ROBO2: variants seen among roughly 807,000 people sequenced by gnomAD.
ROBO2 encodes roundabout homolog 2.
ROBO2 carries 53 observed loss-of-function variants against 160.8 expected under a neutral mutation model. The observed-to-expected ratio is 0.33, with a 90% CI of 0.26 to 0.41. The LOEUF is 0.41. Among genes scored for constraint, ROBO2 ranks in the 10% least tolerant of loss-of-function variants. The pLI, the probability that ROBO2 is intolerant of heterozygous loss-of-function variation, is 1.00. For synonymous variants in ROBO2, 664 were observed against 611.7 expected, an observed-to-expected ratio of 1.09 and a Z score of -1.26; for missense variants, 1,577 against 1,722.4, an observed-to-expected ratio of 0.92 and a Z score of 1.49.
chr3:77,050,028 A>C (rs1297003660), intron 1 of ROBO2, among the ~76,000 whole-genome samples: 1 of 152,226 alleles, frequency 6.6e-6, no homozygotes, highest in African/African-American at 2.4e-5. Flanking sequence ...TAGAAGTTTT[A>C]TAATACGTAT....
chr3:76,830,830 G>T (rs1008443801), intron 2 of ROBO2, among the ~76,000 whole-genome samples: 3 of 91,154 alleles, frequency 3.3e-5, no homozygotes, highest in Non-Finnish European at 5.0e-5. Context: ...AAAAAAAAAA[G>T]TTCTTTTAAT....
intron 2 of ROBO2, among the ~76,000 whole-genome samples, chr3:77,253,912 A>G (rs1308071805): frequency 1.3e-5 from 2 of 152,242 alleles, no homozygotes; most frequent in East Asian, 1.9e-4. Context: ...GTTCAAAATA[A>G]TAAAGAAAAA....
intron 2 of ROBO2, among the ~76,000 whole-genome samples, chr3:76,041,986 G>A (rs1381676245): frequency 7.7e-6 from 1 of 130,134 alleles, no homozygotes. Flanking sequence ...CAGAGAGTGA[G>A]AGAGAGAGGG....
intron 2 of ROBO2, among the ~76,000 whole-genome samples, chr3:76,061,844 G>C (rs778209293): frequency 1.3e-5 from 2 of 151,994 alleles, no homozygotes; most frequent in Non-Finnish European, 2.9e-5. Flanking sequence ...GGCTCTAGAC[G>C]GTCCATTTCC....
At chr3:76,127,061 A>G (rs1181243278) in intron 2 of ROBO2, among the ~76,000 whole-genome samples, 2 of 152,162 alleles carry the variant, frequency 1.3e-5, no homozygotes, top group African/African-American at 4.8e-5. Flanking sequence ...AAATACTATT[A>G]GCTATCATGA....
At chr3:77,278,316 C>T (rs1260821482) in intron 2 of ROBO2, among the ~76,000 whole-genome samples, 2 of 152,172 alleles carry the variant, frequency 1.3e-5, no homozygotes, top group African/African-American at 4.8e-5. Flanking sequence ...ATCCTCCATT[C>T]AATCTCTACT....
intron 2 of ROBO2, among the ~76,000 whole-genome samples, chr3:76,581,515 G>T (rs2085699963): frequency 6.6e-6 from 1 of 152,152 alleles, no homozygotes; most frequent in Admixed American, 6.6e-5. Flanking sequence ...GCACATGCCT[G>T]TGATCCCAGC....
At chr3:77,096,574 G>A (rs1183327544) in intron 1 of ROBO2, among the ~76,000 whole-genome samples, 4 of 151,432 alleles carry the variant, frequency 2.6e-5, no homozygotes, top group South Asian at 4.2e-4. Flanking sequence ...TCAGCCTCCC[G>A]AGTAGCTGGG....
rs1231174528 is a variant in ROBO2 at position 77,602,203 on chromosome 3, A to G, written c.2855-7A>G. On this transcript the variant is annotated splice_region_variant and splice_polypyrimidine_tract_variant and intron_variant, in intron 19 of 25. Coordinates refer to ENST00000461745, the Ensembl canonical transcript of ROBO2. ...TAAATTGTTTCATTTCCCTATGTTC[A>G]CCACAGATGTGCTGCCACCAGTTCC... 4 of 1,614,102 alleles carry G rather than the reference A, an allele frequency of 2.5e-6. No individual in the cohort carries two copies. Among genetic ancestry groups the G allele is most frequent in the Non-Finnish European group, 3.4e-6 (4 of 1,180,004 alleles).
intron 2 of ROBO2, among the ~76,000 whole-genome samples, chr3:77,117,192 G>A (rs2074294710): frequency 6.6e-6 from 1 of 152,046 alleles, no homozygotes; most frequent in Non-Finnish European, 1.5e-5. Context: ...TGGATTTGAT[G>A]AAATAGTTAC....
At chr3:76,561,760 T>C (rs905076095) in intron 2 of ROBO2, among the ~76,000 whole-genome samples, 1 of 152,168 alleles carries the variant, frequency 6.6e-6, no homozygotes, top group African/African-American at 2.4e-5. Context: ...AACTGTTATT[T>C]TTATTACTCT....
At chr3:76,999,165 T>A (rs986197254) in intron 2 of ROBO2, among the ~76,000 whole-genome samples, 8 of 151,840 alleles carry the variant, frequency 5.3e-5, no homozygotes, top group Non-Finnish European at 1.2e-4. Context: ...CTTTTTTTTT[T>A]AACTGTAAAA....
chr3:76,231,346 C>G lies in ROBO2; in HGVS notation c.109+293744C>G, dbSNP rs542849538. Among the ~76,000 whole-genome samples, 7 of 152,290 alleles carry G rather than the reference C, an allele frequency of 4.6e-5. 2 individuals carry two copies. The South Asian group carries it at 1.5e-3, about 32-fold the overall frequency. ...ATGCTTCTGTTAATCTTTCCCTTAG[C>G]ACCCACTGCTCTGCGGTTTTATGTC... is the stretch of plus-strand genomic sequence containing the variant. On this transcript the variant is annotated intron_variant, in intron 2 of 26. Transcript: ENST00000487694.
chr3:77,399,495 A>T (rs987827414), intron 2 of ROBO2, among the ~76,000 whole-genome samples: 4 of 152,310 alleles, frequency 2.6e-5, no homozygotes, highest in Admixed American at 2.6e-4. Context: ...AAATCCATGT[A>T]CTGTGGCACA....
intron 23 of ROBO2, chr3:77,630,794 T>C (rs1187964724): frequency 6.6e-6 from 1 of 151,892 alleles, no homozygotes; most frequent in Non-Finnish European, 1.5e-5. Context: ...GAGATGCTTA[T>C]TTGGAAAGTA....
At chr3:76,834,086 CTT>C (rs769291573) in intron 2 of ROBO2, among the ~76,000 whole-genome samples, 1 of 110,206 alleles carries the variant, frequency 9.1e-6, no homozygotes, top group Non-Finnish European at 1.9e-5. Flanking sequence ...TTCTTTCTTT[CTT>C]TCTTTCTTTC....
chr3:76,246,125 G>GA (rs988737561), intron 2 of ROBO2, among the ~76,000 whole-genome samples: 2 of 149,758 alleles, frequency 1.3e-5, no homozygotes, highest in African/African-American at 2.4e-5. Flanking sequence ...TAGTGAAGAA[G>GA]TTTTTTTTTT....
At chr3:77,149,225 C>T (rs1456409292) in intron 2 of ROBO2, among the ~76,000 whole-genome samples, 3 of 151,570 alleles carry the variant, frequency 2.0e-5, no homozygotes, top group Non-Finnish European at 4.4e-5. Context: ...TTAGTAGAGA[C>T]GGGGTTTCAC....
intron 21 of ROBO2, among the ~76,000 whole-genome samples, chr3:77,609,111 C>T (rs183195085): frequency 7.2e-4 from 109 of 151,582 alleles, no homozygotes; most frequent in South Asian, 2.5e-3. Context: ...CACACATACG[C>T]GAATATTTTT....
Sources: allele counts gnomAD v4.1 joint callset (sites outside exome capture counted in the v4.1 genomes callset), GRCh38; gene constraint gnomAD v4.1.1; transcripts MANE v1.5; gene names NCBI Gene and HGNC (gene_info 2026-07-23, HGNC 2026-07-21).